The following DCDC2C variants were observed in gnomAD, a reference collection of about 807,000 sequenced individuals.
DCDC2C encodes the protein doublecortin domain containing 2C.
A neutral mutation model predicts 45.0 loss-of-function variants in DCDC2C; 44 were observed. The observed-to-expected ratio is 0.98, with a 90% confidence interval of 0.77 to 1.26. DCDC2C has a LOEUF of 1.26. Among genes scored for constraint, DCDC2C ranks in the 50% most tolerant of loss-of-function variants. The pLI, the probability that DCDC2C is intolerant of heterozygous loss-of-function variation, is 0.00. For missense variants in DCDC2C, 447 were observed against 468.9 expected (o/e 0.95, Z 0.43); for synonymous variants, 187 against 178.8 (o/e 1.05, Z -0.37).
intron 8 of DCDC2C, among the ~76,000 whole-genome samples, chr2:3,770,444 T>G (rs1245219765): frequency 1.3e-5 from 2 of 152,092 alleles, no homozygotes; most frequent in African/African-American, 4.8e-5. Context: ...TTCCACTTCC[T>G]TTTTTTGGCA....
chr2:3,759,553 G>A (rs1669820361), intron 6 of DCDC2C, among the ~76,000 whole-genome samples: 1 of 152,150 alleles, frequency 6.6e-6, no homozygotes, highest in Non-Finnish European at 1.5e-5. Flanking sequence ...AGTCAAGACC[G>A]ACCTCAGGAT....
At chr2:3,796,382 C>G (rs1387447736) in intron 10 of DCDC2C, among the ~76,000 whole-genome samples, 1 of 112,530 alleles carries the variant, frequency 8.9e-6, no homozygotes, top group Non-Finnish European at 1.8e-5. Context: ...CCTAATTGCC[C>G]TGGCCAGAAC....
In DCDC2C at chr2:3,780,461, G is replaced by A. The variant is rs368090274; in HGVS notation, c.1023+1577G>A. On this transcript the variant is annotated intron_variant, in intron 9 of 10. Transcript: ENST00000399143. ...ATTAGTGACTTGATAACAGCCAGTA[G>A]CAGATTTAATTTCTTAGAGTGAATC... Among the ~76,000 whole-genome samples, 81 of 152,310 alleles carry A rather than the reference G, an allele frequency of 5.3e-4. No individual in the cohort carries two copies. The South Asian group carries it at 0.017, about 31-fold the overall frequency.
intron 10 of DCDC2C, among the ~76,000 whole-genome samples, chr2:3,806,361 C>A (rs568401592): frequency 6.6e-6 from 1 of 152,206 alleles, no homozygotes; most frequent in Non-Finnish European, 1.5e-5. Context: ...TTCCCTCACC[C>A]GTTTCTGACA....
In DCDC2C at chr2:3,818,779, T is replaced by A. The variant is rs1671612761; in HGVS notation, c.1066-28375T>A. On this transcript the variant is annotated intron_variant, in intron 10 of 10. Coordinates refer to ENST00000399143, the MANE Select transcript of DCDC2C (RefSeq NM_001287444.2). This position sits in a 1 kb window ranked among gnomAD's most constrained non-coding sequence, Gnocchi z 4.7. ...AAGGTGGGGAGATACAAGGGGAGAATGTGAAGGAGGCTTTGAACTGGGGAA... is the reference window on the plus strand; with the variant it reads ...AAGGTGGGGAGATACAAGGGGAGAAAGTGAAGGAGGCTTTGAACTGGGGAA... 6.6e-6 allele frequency among the ~76,000 whole-genome samples: 1 copy of A among 151,846 alleles called. No homozygotes were observed.
intron 3 of DCDC2C, among the ~76,000 whole-genome samples, chr2:3,729,644 C>G (rs1004691797): frequency 6.6e-6 from 1 of 152,202 alleles, no homozygotes; most frequent in Admixed American, 6.5e-5. Flanking sequence ...GAGACAGGCC[C>G]TGTCCTGCCT....
chr2:3,814,659 A>T (rs116431165), intron 10 of DCDC2C, among the ~76,000 whole-genome samples: 1,635 of 152,338 alleles, frequency 0.011, 38 homozygotes, highest in African/African-American at 0.037. Context: ...TACCAGAAGG[A>T]AATGCTAAGT....
intron 6 of DCDC2C, among the ~76,000 whole-genome samples, chr2:3,758,394 C>A (rs1161789589): frequency 2.6e-5 from 4 of 152,160 alleles, no homozygotes; most frequent in Admixed American, 6.5e-5. Context: ...ACATGTTGAG[C>A]TTAACTGCTG....
At chr2:3,718,253 T>C (rs913848553) in intron 2 of DCDC2C, among the ~76,000 whole-genome samples, 2 of 152,216 alleles carry the variant, frequency 1.3e-5, no homozygotes, top group African/African-American at 4.8e-5. Context: ...TATTCTCCTC[T>C]CCTTGGTTCT....
At chr2:3,845,404 G>A (rs189849267) in intron 10 of DCDC2C, among the ~76,000 whole-genome samples, 66 of 152,302 alleles carry the variant, frequency 4.3e-4, no homozygotes, top group Non-Finnish European at 4.4e-5. Context: ...CACAAAGATG[G>A]CAATGGTGAT....
At chr2:3,758,230 C>T (rs892529415) in intron 6 of DCDC2C, among the ~76,000 whole-genome samples, 5 of 152,120 alleles carry the variant, frequency 3.3e-5, no homozygotes, top group African/African-American at 9.7e-5. Flanking sequence ...TCCCACATCC[C>T]GACATCCCTG....
Position 3,741,913 on chromosome 2 carries a change from C to T in DCDC2C, c.417-7C>T. ...ATTAATGGATGCTTTTCTTTTTATT[C>T]TTACAGTGTTTTTACAAATGGAAGA... On this transcript the variant is annotated splice_polypyrimidine_tract_variant and splice_region_variant and intron_variant, in intron 3 of 10. Coordinates refer to ENST00000399143, the MANE Select transcript of DCDC2C (RefSeq NM_001287444.2). The T allele has an allele frequency of 6.5e-7, 1 of 1,541,484 alleles. No homozygotes were observed. The highest frequency in any genetic ancestry group is 1.2e-5 in the South Asian group (1 of 81,408).
intron 10 of DCDC2C, among the ~76,000 whole-genome samples, chr2:3,797,332 G>A (rs531707051): frequency 1.5e-5 from 2 of 131,502 alleles, no homozygotes; most frequent in South Asian, 2.4e-4. Context: ...CCCTGGATTC[G>A]TTAATTTTTT....
At chr2:3,783,994 C>A (rs1405509264) in intron 9 of DCDC2C, among the ~76,000 whole-genome samples, 1 of 151,912 alleles carries the variant, frequency 6.6e-6, no homozygotes, top group Non-Finnish European at 1.5e-5. Context: ...TAACACAAAG[C>A]CCAATAAAAA....
intron 10 of DCDC2C, among the ~76,000 whole-genome samples, chr2:3,824,616 T>C (rs1671772479): frequency 6.6e-6 from 1 of 152,126 alleles, no homozygotes; most frequent in Non-Finnish European, 1.5e-5. Flanking sequence ...TCAAATTCAT[T>C]ACTTTCTGCT....
chr2:3,823,402 C>T (rs1002354746), intron 10 of DCDC2C, among the ~76,000 whole-genome samples: 1 of 152,120 alleles, frequency 6.6e-6, no homozygotes, highest in African/African-American at 2.4e-5. Context: ...TTGGTTTATC[C>T]TGAGTAATGT....
chr2:3,812,317 G>A (rs1469303076), intron 10 of DCDC2C, among the ~76,000 whole-genome samples: 12 of 151,864 alleles, frequency 7.9e-5, no homozygotes, highest in Admixed American at 7.9e-4. Flanking sequence ...TTCAGAGCAT[G>A]TATGTGTCTA....
intron 10 of DCDC2C, among the ~76,000 whole-genome samples, chr2:3,788,007 A>C (rs1326601057): frequency 6.6e-6 from 1 of 152,256 alleles, no homozygotes; most frequent in African/African-American, 2.4e-5. Context: ...ACAAAACAAC[A>C]GGCATCATGT....
intron 10 of DCDC2C, among the ~76,000 whole-genome samples, chr2:3,792,631 G>T (rs2148191700): frequency 6.6e-6 from 1 of 152,088 alleles, no homozygotes; most frequent in Non-Finnish European, 1.5e-5. Context: ...TATAAATTTT[G>T]GACACAAAAA....
Sources: allele counts gnomAD v4.1 joint callset (sites outside exome capture counted in the v4.1 genomes callset), GRCh38; gene constraint gnomAD v4.1.1; non-coding constraint Gnocchi (gnomAD v3.1); transcripts MANE v1.5; gene names NCBI Gene and HGNC (gene_info 2026-07-23, HGNC 2026-07-21).